PEX2: variants seen among roughly 807,000 people sequenced by gnomAD.
PEX2 encodes peroxisome biogenesis factor 2.
PEX2 carries 19 observed loss-of-function variants against 25.2 expected under a neutral mutation model. The ratio of observed to expected loss-of-function variants is 0.75; its 90% CI spans 0.53 to 1.10. The LOEUF (loss-of-function observed/expected upper bound fraction) is 1.10. PEX2 is among the 50% of genes least tolerant of loss of function. The pLI, the probability that PEX2 is intolerant of heterozygous loss-of-function variation, is 0.00. For synonymous variants in PEX2, 141 were observed against 127.7 expected (o/e 1.10, Z -0.70); for missense variants, 347 against 350.6 (o/e 0.99, Z 0.08).
chr8:76,996,022 T>C (rs1378574716), intron 1 of PEX2, among the ~76,000 whole-genome samples: 1 of 152,150 alleles, frequency 6.6e-6, no homozygotes, highest in Non-Finnish European at 1.5e-5. Context: ...TGAACAGCTA[T>C]TTCCAATTGC....
chr8:76,988,104 T>C (rs1002266026), intron 2 of PEX2: 108 of 152,158 alleles, frequency 7.1e-4, no homozygotes, highest in African/African-American at 2.3e-3. Context: ...CATTCAACTT[T>C]CTTTGTAACA....
At chr8:76,994,209 TTA>T (rs1171570453) in intron 1 of PEX2, among the ~76,000 whole-genome samples, 1 of 152,074 alleles carries the variant, frequency 6.6e-6, no homozygotes, top group Non-Finnish European at 1.5e-5. Context: ...TGCTTTCCTT[TTA>T]TGTTTTTCAT....
intron 1 of PEX2, among the ~76,000 whole-genome samples, chr8:76,990,531 C>G (rs1807138193): frequency 6.6e-6 from 1 of 152,054 alleles, no homozygotes; most frequent in Admixed American, 6.6e-5. Flanking sequence ...GAGAGATGTA[C>G]AACCCTTCCT....
In PEX2 at chr8:76,989,290, T is replaced by C. The variant is rs570690052; in HGVS notation, c.-159-952A>G. ...CACTCTAATTATAGCTCTCTTACTA[T>C]TTCTATCACATCTGTAGTTACTTCC... On this transcript the variant is annotated intron_variant, in intron 1 of 3. Coordinates refer to ENST00000357039, the MANE Select transcript of PEX2 (RefSeq NM_000318.3). 8.5e-5 allele frequency among the ~76,000 whole-genome samples: 13 copies of C among 152,336 alleles called. No individual in the cohort carries two copies. In the South Asian group the frequency reaches 2.7e-3, roughly 32 times the overall value.
At chr8:76,989,138 TG>T (rs752626934) in intron 1 of PEX2, among the ~76,000 whole-genome samples, 1 of 151,850 alleles carries the variant, frequency 6.6e-6, no homozygotes, top group South Asian at 2.1e-4. Context: ...CTGACTGTGC[TG>T]TTGTTCACCA....
chr8:76,994,459 C>A (rs1432754802), intron 1 of PEX2, among the ~76,000 whole-genome samples: 1 of 152,186 alleles, frequency 6.6e-6, no homozygotes, highest in East Asian at 1.9e-4. Context: ...AAGGGGATAA[C>A]ATGGATTTTA....
chr8:76,985,720 G>T (rs1563607926), intron 3 of PEX2, among the ~76,000 whole-genome samples: 1 of 152,126 alleles, frequency 6.6e-6, no homozygotes, highest in Non-Finnish European at 1.5e-5. Context: ...AGAAAGAATA[G>T]TTACTGAGGG....
chr8:76,995,024 C>G (rs938800281), intron 1 of PEX2, among the ~76,000 whole-genome samples: 3 of 152,128 alleles, frequency 2.0e-5, no homozygotes, highest in Non-Finnish European at 2.9e-5. Flanking sequence ...TCCCAGAACA[C>G]GTTTCAAATA....
chr8:76,983,863 A>G lies in PEX2; in HGVS notation c.316T>C (p.Tyr106His). Reference sequence around the variant, plus strand: ...CTGCCACCAATTGTACAAACAGCATACCAGATTTTTTGATTTTTACTGGGT... The same window carrying G: ...CTGCCACCAATTGTACAAACAGCATGCCAGATTTTTTGATTTTTACTGGGT... Reference protein sequence around the residue: ...QPPSKNQKIWYAVCTIGGRWL... With the variant: ...QPPSKNQKIWHAVCTIGGRWL... Residue 106 changes from tyrosine to histidine, a missense_variant, in exon 4 of 4, where the codon TAT (tyrosine) becomes CAT (histidine). By Grantham distance (83) the Tyr-to-His change is moderately conservative. Transcript: ENST00000357039. 1 of 1,614,134 alleles carries G rather than the reference A, an allele frequency of 6.2e-7. No homozygotes were observed. Among genetic ancestry groups the G allele is most frequent in the Non-Finnish European group, 8.5e-7 (1 of 1,179,992 alleles).
intron 1 of PEX2, among the ~76,000 whole-genome samples, chr8:76,988,895 T>C (rs1202843957): frequency 6.6e-6 from 1 of 151,338 alleles, no homozygotes; most frequent in Non-Finnish European, 1.5e-5. Flanking sequence ...TCTTTGCTTA[T>C]CCATAAGAAG....
chr8:76,996,605 G>C (rs150450283), intron 1 of PEX2, among the ~76,000 whole-genome samples: 1 of 152,144 alleles, frequency 6.6e-6, no homozygotes, highest in Non-Finnish European at 1.5e-5. Context: ...TTAAAAATGG[G>C]CTTTAGAATC....
Position 76,983,436 on chromosome 8 carries a change from C to T in PEX2, c.743G>A (p.Gly248Glu). ...ATSGKECALC[G>E]EWPTMPHTIG... is the part of the protein sequence containing the mutation. ...GGTGTGAGGCATGGTGGGCCACTCT[C>T]CACATAGAGCGCATTCTTTGCCACT... Residue 248 changes from glycine (G) to glutamate (E), a missense_variant, in exon 4 of 4, where the codon GGA (glycine) becomes GAA (glutamate). Transcript: ENST00000357039. The T allele has an allele frequency of 1.9e-6, 3 of 1,614,130 alleles. No individual in the cohort carries two copies. The highest frequency in any genetic ancestry group is 2.5e-6 in the Non-Finnish European group (3 of 1,180,014).
At position 76,984,200 on chromosome 8, in the gene PEX2, G is replaced by T. The variant is rs751460348; in HGVS notation, c.-17-5C>A. On this transcript the variant is annotated splice_polypyrimidine_tract_variant and splice_region_variant and intron_variant, in intron 3 of 3. Coordinates refer to ENST00000357039, the MANE Select transcript of PEX2 (RefSeq NM_000318.3). ...CCATGTCTTCTCTGAAGGTCTCTAGGAAAAAATACAATTGAAGAACATTAG... is the reference window on the plus strand; with the variant it reads ...CCATGTCTTCTCTGAAGGTCTCTAGTAAAAAATACAATTGAAGAACATTAG... 3.3e-5 allele frequency: 53 copies of T among 1,611,058 alleles called. No individual in the cohort carries two copies. Among genetic ancestry groups the T allele is most frequent in the Non-Finnish European group, 4.4e-5 (52 of 1,177,858 alleles).
Position 76,983,650 on chromosome 8 carries a change from A to C in PEX2, c.529T>G (p.Phe177Val). 6.2e-7 allele frequency: 1 copy of C among 1,614,178 alleles called. No individual in the cohort carries two copies. Among genetic ancestry groups the C allele is most frequent in the Non-Finnish European group, 8.5e-7 (1 of 1,180,006 alleles). The change falls in exon 4 of 4, where the codon TTT (phenylalanine) becomes GTT (valine). Residue 177 changes from phenylalanine to valine, a missense_variant. Coordinates refer to ENST00000357039, the MANE Select transcript of PEX2 (RefSeq NM_000318.3). ...TCACATATGTTTTGAGGCTTGCAAA[A>C]TACAGAATGAATACCTAGGAGACGT... ...TERLLGIHSV[F>V]CKPQNICEVG...
At chr8:76,989,620 T>C (rs1807106165) in intron 1 of PEX2, among the ~76,000 whole-genome samples, 1 of 152,210 alleles carries the variant, frequency 6.6e-6, no homozygotes, top group Non-Finnish European at 1.5e-5. Context: ...AACATTAATC[T>C]CCTTGTACAT....
chr8:76,985,346 A>C (rs185338758), intron 3 of PEX2, among the ~76,000 whole-genome samples: 137 of 152,178 alleles, frequency 9.0e-4, no homozygotes, highest in Non-Finnish European at 1.6e-3. Context: ...AAAGGGTGCA[A>C]ATTTTCAGTT....
upstream of PEX2, among the ~76,000 whole-genome samples, chr8:77,000,612 C>T (rs1391328115): frequency 2.0e-5 from 3 of 152,198 alleles, no homozygotes; most frequent in Admixed American, 6.5e-5. Context: ...GAGACCTGCC[C>T]GCCCTCGGGG....
At chr8:76,999,615 T>C (rs1356564853) in intron 1 of PEX2, among the ~76,000 whole-genome samples, 1 of 152,192 alleles carries the variant, frequency 6.6e-6, no homozygotes, top group Non-Finnish European at 1.5e-5. Context: ...AGATATTAAG[T>C]AAAGTTTGGA....
intron 1 of PEX2, among the ~76,000 whole-genome samples, chr8:76,992,382 GTA>G (rs1179917351): frequency 6.6e-6 from 1 of 152,100 alleles, no homozygotes; most frequent in Non-Finnish European, 1.5e-5. Context: ...CAACAAACTT[GTA>G]TTCATCACCA....
Sources: gnomAD v4.1 joint callset for allele counts (sites outside exome capture counted in the v4.1 genomes callset) on GRCh38, gnomAD v4.1.1 for gene constraint, MANE v1.5 for transcripts, NCBI Gene and HGNC (gene_info 2026-07-23, HGNC 2026-07-21) for gene names.